Variants in ASIC2 observed in about 807,000 individuals in gnomAD.
ASIC2 encodes the protein acid sensing ion channel subunit 2.
ASIC2 carries 25 observed loss-of-function variants against 57.3 expected under a neutral mutation model. The observed-to-expected ratio is 0.44, with a 90% CI of 0.32 to 0.61. ASIC2 has a LOEUF of 0.61. Ranked by LOEUF, ASIC2 falls within the 20% of genes least tolerant of loss-of-function variation. The pLI is 0.06. For synonymous variants in ASIC2, 319 were observed against 307.5 expected (o/e 1.04, Z -0.39); for missense variants, 641 against 738.1 (o/e 0.87, Z 1.52).
At chr17:34,118,381 A>G (rs1294084999) in intron 1 of ASIC2, 1 of 152,120 alleles carries the variant, frequency 6.6e-6, no homozygotes, top group African/African-American at 2.4e-5. Flanking sequence ...TTTCATGTGT[A>G]TGTGCTGGGA....
At chr17:33,765,035 T>C (rs1194997443) in intron 1 of ASIC2, among the ~76,000 whole-genome samples, 2 of 152,182 alleles carry the variant, frequency 1.3e-5, no homozygotes, top group African/African-American at 2.4e-5. Flanking sequence ...CTAGATAGTC[T>C]TTCTGGAGGG....
intron 1 of ASIC2, among the ~76,000 whole-genome samples, chr17:34,104,981 T>C (rs1910992260): frequency 6.6e-6 from 1 of 152,068 alleles, no homozygotes; most frequent in Admixed American, 6.5e-5. Flanking sequence ...TGTATTTTCC[T>C]CCTCTATTTT....
In ASIC2 at chr17:33,265,063, C is replaced by T. The variant is rs80133629; in HGVS notation, c.708+26345G>A. Reference sequence around the variant, plus strand: ...GGTGAAGAACCATATGCTGTGTGGCCTTCACTGAGTTTCTTGGCCTCTCTG... The same window carrying T: ...GGTGAAGAACCATATGCTGTGTGGCTTTCACTGAGTTTCTTGGCCTCTCTG... On this transcript the variant is annotated intron_variant, in intron 1 of 9. Coordinates refer to ENST00000225823, the MANE Select transcript of ASIC2 (RefSeq NM_183377.2). Among the ~76,000 whole-genome samples the T allele has an allele frequency of 1.9e-3, 293 of 152,310 alleles. 5 individuals carry two copies. In the East Asian group the frequency reaches 0.047, roughly 25 times the overall value.
At position 33,666,860 on chromosome 17, in the gene ASIC2, ACTG is replaced by A. The variant is rs1567683678; in HGVS notation, c.555+489115_555+489117del. On this transcript the variant is annotated intron_variant, in intron 1 of 9. Transcript: ENST00000359872. ...TGCTGTGGTTTGGGTTGCCAGATAAACTGCAAGATGCCCAGTTAAATTTGAATT... is the reference window on the plus strand; with the variant it reads ...TGCTGTGGTTTGGGTTGCCAGATAAACAAGATGCCCAGTTAAATTTGAATT... Among the ~76,000 whole-genome samples, 8 of 152,328 alleles carry A rather than the reference ACTG, an allele frequency of 5.3e-5. No individual in the cohort carries two copies. In the South Asian group the frequency reaches 1.5e-3, roughly 28 times the overall value.
At chr17:33,890,620 G>C (rs1413040191) in intron 1 of ASIC2, among the ~76,000 whole-genome samples, 1 of 152,258 alleles carries the variant, frequency 6.6e-6, no homozygotes, top group Non-Finnish European at 1.5e-5. Flanking sequence ...TCAGAGTCCA[G>C]GTCTGAACCA....
intron 1 of ASIC2, among the ~76,000 whole-genome samples, chr17:34,028,991 T>A (rs1481153595): frequency 1.3e-5 from 2 of 152,220 alleles, no homozygotes; most frequent in Non-Finnish European, 2.9e-5. Context: ...CTTCTTTAGA[T>A]AGCCTTGTAG....
At chr17:33,579,245 C>A (rs951261957) in intron 1 of ASIC2, among the ~76,000 whole-genome samples, 1 of 144,168 alleles carries the variant, frequency 6.9e-6, no homozygotes, top group Admixed American at 7.1e-5. Flanking sequence ...AAAATCACAC[C>A]ATTGCACTCC....
intron 1 of ASIC2, among the ~76,000 whole-genome samples, chr17:33,306,135 A>G (rs1438538562): frequency 2.0e-5 from 3 of 152,258 alleles, no homozygotes; most frequent in Non-Finnish European, 4.4e-5. Context: ...CCCTGAAGGA[A>G]TAAACGATAA....
intron 1 of ASIC2, among the ~76,000 whole-genome samples, chr17:33,652,161 T>C (rs1308043486): frequency 6.6e-6 from 1 of 152,140 alleles, no homozygotes; most frequent in Non-Finnish European, 1.5e-5. Context: ...CCTTGGACAA[T>C]AGGATCAGGA....
chr17:33,815,195 G>T (rs1048138179), intron 1 of ASIC2, among the ~76,000 whole-genome samples: 2 of 152,280 alleles, frequency 1.3e-5, no homozygotes, highest in African/African-American at 4.8e-5. Flanking sequence ...CCCATAGTGG[G>T]GTCTACAGAG....
chr17:33,907,580 C>G (rs1915375762), intron 1 of ASIC2, among the ~76,000 whole-genome samples: 2 of 152,182 alleles, frequency 1.3e-5, no homozygotes, highest in South Asian at 4.1e-4. Context: ...ATGAGCCCAC[C>G]AGGCTCATCT....
chr17:33,291,193 A>T, intron 1 of ASIC2: 1 of 1,043,608 alleles, frequency 9.6e-7, no homozygotes, highest in Non-Finnish European at 1.3e-6. Context: ...GGGAGCTCCC[A>T]CTGGTGGGAG....
At chr17:33,306,458 C>T (rs2142199821) in intron 1 of ASIC2, among the ~76,000 whole-genome samples, 1 of 152,258 alleles carries the variant, frequency 6.6e-6, no homozygotes, top group African/African-American at 2.4e-5. Context: ...TTTGGAACTG[C>T]AGTTTTACTC....
At chr17:33,569,848 A>T (rs1916373049) in intron 1 of ASIC2, among the ~76,000 whole-genome samples, 1 of 152,200 alleles carries the variant, frequency 6.6e-6, no homozygotes. Flanking sequence ...CATGTGTCGC[A>T]TGTTAGAAGC....
Position 33,249,760 on chromosome 17 carries a change from G to A in ASIC2, c.708+41648C>T, listed in dbSNP as rs183403015. On this transcript the variant is annotated intron_variant, in intron 1 of 9. Transcript: ENST00000225823. ...GCCCCAAAGCATAACTTTTTGCAGC[G>A]GTTGCATAAACCTTAGTTCCACCAA... 1.1e-4 allele frequency among the ~76,000 whole-genome samples: 17 copies of A among 152,304 alleles called. No individual in the cohort carries two copies. In the East Asian group the frequency reaches 2.7e-3, roughly 24 times the overall value.
At chr17:33,155,352 G>A (rs1047966516) in intron 1 of ASIC2, among the ~76,000 whole-genome samples, 2 of 152,188 alleles carry the variant, frequency 1.3e-5, no homozygotes, top group Non-Finnish European at 2.9e-5. Flanking sequence ...AGGTGTCTGC[G>A]CATCCATCTG....
intron 1 of ASIC2, among the ~76,000 whole-genome samples, chr17:33,454,118 G>A (rs1048892055): frequency 6.6e-6 from 1 of 152,186 alleles, no homozygotes; most frequent in Admixed American, 6.5e-5. Flanking sequence ...ACAGTCTTAA[G>A]CATTTCCTTT....
chr17:33,618,299 C>A (rs1905671846), intron 1 of ASIC2, among the ~76,000 whole-genome samples: 1 of 151,962 alleles, frequency 6.6e-6, no homozygotes, highest in Admixed American at 6.6e-5. Flanking sequence ...AACTATCCTC[C>A]TGCCTCAGCC....
At chr17:33,440,298 T>C (rs999892580) in intron 1 of ASIC2, among the ~76,000 whole-genome samples, 34 of 152,246 alleles carry the variant, frequency 2.2e-4, no homozygotes, top group African/African-American at 8.2e-4. Flanking sequence ...ATGTAGCATG[T>C]ACCAGTGCTT....
Sources: gnomAD v4.1 joint callset for allele counts (sites outside exome capture counted in the v4.1 genomes callset) on GRCh38, gnomAD v4.1.1 for gene constraint, MANE v1.5 for transcripts, NCBI Gene and HGNC (gene_info 2026-07-23, HGNC 2026-07-21) for gene names.